Variants in NLGN1 observed in about 807,000 individuals in gnomAD.
NLGN1 encodes the protein neuroligin-1.
A neutral mutation model predicts 65.5 loss-of-function variants in NLGN1; 12 were observed. The ratio of observed to expected loss-of-function variants is 0.18; its 90% CI spans 0.12 to 0.30. The LOEUF is 0.30. Ranked by LOEUF, NLGN1 falls within the 10% of genes least tolerant of loss-of-function variation. The pLI, the probability that NLGN1 is intolerant of heterozygous loss-of-function variation, is 1.00. For missense variants in NLGN1, 750 were observed against 1,007.1 expected, an observed-to-expected ratio of 0.74 and a Z score of 3.46; for synonymous variants, 350 against 359.5, an observed-to-expected ratio of 0.97 and a Z score of 0.30.
intron 4 of NLGN1, among the ~76,000 whole-genome samples, chr3:173,832,416 T>G (rs2029333): frequency 6.6e-6 from 1 of 152,086 alleles, no homozygotes; most frequent in Non-Finnish European, 1.5e-5. Context: ...AATACAGGAT[T>G]GATATTCTTT....
intron 4 of NLGN1, among the ~76,000 whole-genome samples, chr3:174,235,806 A>C (rs750679544): frequency 2.9e-4 from 44 of 152,168 alleles, no homozygotes; most frequent in Admixed American, 2.0e-4. Context: ...CTAAGAACAG[A>C]CCAAATTCCC....
intron 4 of NLGN1, among the ~76,000 whole-genome samples, chr3:174,265,034 C>T (rs13067660): frequency 4.7e-4 from 72 of 152,200 alleles, no homozygotes; most frequent in Non-Finnish European, 8.1e-4. Context: ...GCAGTCTGCC[C>T]GTTCTCAGAT....
chr3:174,265,763 CTATATATATATATATATATGTATATA>C (rs1002454219), intron 4 of NLGN1, among the ~76,000 whole-genome samples: 7 of 125,668 alleles, frequency 5.6e-5, no homozygotes, highest in Non-Finnish European at 9.7e-5. Flanking sequence ...ACTAAGAAGG[CTATATATATATATATATATGTATATA>C]TATATATATA....
At chr3:173,636,626 T>C (rs964501089) in intron 3 of NLGN1, among the ~76,000 whole-genome samples, 21 of 152,152 alleles carry the variant, frequency 1.4e-4, no homozygotes, top group African/African-American at 4.8e-4. Context: ...AAAATTGAGT[T>C]CATGGTTTGG....
chr3:174,263,627 CTCTT>C (rs1183902400), intron 4 of NLGN1, among the ~76,000 whole-genome samples: 3 of 152,068 alleles, frequency 2.0e-5, no homozygotes, highest in Non-Finnish European at 2.9e-5. Context: ...TGGGTCTTGA[CTCTT>C]TATCCAATTT....
intron 4 of NLGN1, among the ~76,000 whole-genome samples, chr3:173,978,153 A>G (rs1299550526): frequency 1.3e-5 from 2 of 152,104 alleles, no homozygotes; most frequent in Non-Finnish European, 2.9e-5. Flanking sequence ...TGATTCAGGG[A>G]ATAGTAATGT....
At chr3:173,515,556 A>T (rs540664609) in intron 2 of NLGN1, among the ~76,000 whole-genome samples, 1 of 152,174 alleles carries the variant, frequency 6.6e-6, no homozygotes, top group African/African-American at 2.4e-5. Flanking sequence ...TCATCAAATC[A>T]TTGCTAAAAC....
intron 2 of NLGN1, among the ~76,000 whole-genome samples, chr3:173,598,688 T>C (rs893952888): frequency 5.3e-5 from 8 of 152,170 alleles, no homozygotes; most frequent in African/African-American, 1.9e-4. Context: ...CAAACTAGAC[T>C]GTGCGTTCCT....
chr3:173,632,812 T>G (rs1173497396), intron 3 of NLGN1, among the ~76,000 whole-genome samples: 1 of 151,446 alleles, frequency 6.6e-6, no homozygotes, highest in African/African-American at 2.4e-5. Flanking sequence ...TAGACAGGAT[T>G]TTAGAGAAGT....
intron 4 of NLGN1, among the ~76,000 whole-genome samples, chr3:174,097,121 T>C (rs1745684353): frequency 6.6e-6 from 1 of 152,124 alleles, no homozygotes; most frequent in Non-Finnish European, 1.5e-5. Context: ...TGTAGAAAGA[T>C]GCTAGCTAGA....
chr3:173,558,554 C>T (rs1230071203), intron 2 of NLGN1, among the ~76,000 whole-genome samples: 1 of 152,074 alleles, frequency 6.6e-6, no homozygotes, highest in African/African-American at 2.4e-5. Context: ...GACCCGTCTT[C>T]AAGTTTACTC....
At chr3:173,424,738 A>G (rs1394948809) in intron 1 of NLGN1, among the ~76,000 whole-genome samples, 1 of 152,152 alleles carries the variant, frequency 6.6e-6, no homozygotes, top group Admixed American at 6.6e-5. Context: ...CATTTTTCAT[A>G]TCGCTATCAG....
At chr3:174,277,282 T>C (rs1750757327) in intron 5 of NLGN1, among the ~76,000 whole-genome samples, 1 of 151,890 alleles carries the variant, frequency 6.6e-6, no homozygotes, top group Non-Finnish European at 1.5e-5. Flanking sequence ...AATCCCACAA[T>C]GCTCAGGCCT....
intron 1 of NLGN1, among the ~76,000 whole-genome samples, chr3:173,429,853 C>T (rs1252738311): frequency 6.6e-6 from 1 of 152,140 alleles, no homozygotes; most frequent in Non-Finnish European, 1.5e-5. Context: ...GCCCACAGGG[C>T]CCCTGAAGTA....
intron 4 of NLGN1, among the ~76,000 whole-genome samples, chr3:174,033,333 C>T (rs1207337191): frequency 6.6e-6 from 1 of 152,136 alleles, no homozygotes; most frequent in Non-Finnish European, 1.5e-5. Flanking sequence ...ACATCTAACT[C>T]CTAGCCAAAT....
In NLGN1 at chr3:173,449,759, G is replaced by A. The variant is rs141884609; in HGVS notation, c.-321+14681G>A. On this transcript the variant is annotated intron_variant, in intron 2 of 6. Coordinates refer to ENST00000457714, the Ensembl canonical transcript of NLGN1. ...ATCTGGGTGCTGCTGTATTGGGTGC[G>A]TATATATTTAGGAGAGTTAGTTCTT... 3.7e-3 allele frequency among the ~76,000 whole-genome samples: 568 copies of A among 152,216 alleles called. 11 individuals carry two copies. The highest frequency in any genetic ancestry group is 0.035 in the East Asian group (180 of 5,168).
intron 3 of NLGN1, among the ~76,000 whole-genome samples, chr3:173,661,829 C>T (rs1028920963): frequency 3.3e-5 from 5 of 152,064 alleles, no homozygotes; most frequent in African/African-American, 1.2e-4. Context: ...TTACCCATAT[C>T]GTTAATATAA....
rs181927689 is a variant in NLGN1, at chr3:174,130,310, G to A, written c.647-145005G>A. On this transcript the variant is annotated intron_variant, in intron 4 of 6. Coordinates refer to ENST00000457714, the Ensembl canonical transcript of NLGN1. The stretch of plus-strand genomic sequence containing the variant: ...TGTCACTTGAACCTGGGAGGCAGAG[G>A]TTGCAGTGAGCCGAGATCGCGCCGT... Among the ~76,000 whole-genome samples, 853 of 152,240 alleles carry A rather than the reference G, an allele frequency of 5.6e-3. 21 individuals carry two copies. The highest frequency in any genetic ancestry group is 0.016 in the East Asian group (85 of 5,164).
At chr3:174,185,565 T>C (rs568831913) in intron 4 of NLGN1, among the ~76,000 whole-genome samples, 3 of 152,292 alleles carry the variant, frequency 2.0e-5, no homozygotes, top group South Asian at 2.1e-4. Context: ...ATCCATATAC[T>C]TTAGTATAGT....
Sources: gnomAD v4.1 joint callset for allele counts (sites outside exome capture counted in the v4.1 genomes callset) on GRCh38, gnomAD v4.1.1 for gene constraint, MANE v1.5 for transcripts, NCBI Gene and HGNC (gene_info 2026-07-23, HGNC 2026-07-21) for gene names.